Variants in TATDN1 observed in about 807,000 individuals in gnomAD.
The protein encoded by TATDN1 is deoxyribonuclease TATDN1.
In TATDN1, 40 loss-of-function variants were observed where a neutral mutation model predicts 46.4. The observed-to-expected ratio is 0.86, with a 90% confidence interval of 0.67 to 1.12. The LOEUF is 1.12. Ranked by LOEUF, TATDN1 falls within the 50% of genes most tolerant of loss-of-function variation. The pLI, the probability that TATDN1 is intolerant of heterozygous loss-of-function variation, is 0.00. For synonymous variants in TATDN1, 95 were observed against 105.6 expected, an observed-to-expected ratio of 0.90 and a Z score of 0.62; for missense variants, 326 against 348.4, an observed-to-expected ratio of 0.94 and a Z score of 0.51.
At position 124,522,188 on chromosome 8, in the gene TATDN1, T is replaced by G. The variant is rs772084286; in HGVS notation, c.101A>C (p.Asp34Ala). 1 of 1,594,332 alleles carries G rather than the reference T, an allele frequency of 6.3e-7. No individual in the cohort carries two copies. Among genetic ancestry groups the G allele is most frequent in the Non-Finnish European group, 8.5e-7 (1 of 1,169,978 alleles). ...GVQKHQDDLQ[D>A]VIGRAVEIGV... is the part of the protein sequence containing the mutation. ...AATCTCGACAGCTCTCCCTATTACA[T>G]CCTGTAAGTCATCTGTAAAAGATAA... is the stretch of plus-strand genomic sequence containing the variant. The change falls in exon 3 of 12, where the codon GAT (aspartate) becomes GCT (alanine). Residue 34 changes from aspartate (D) to alanine (A), a missense_variant. Transcript: ENST00000276692.
chr8:124,497,898 T>G (rs1253161342), intron 9 of TATDN1, among the ~76,000 whole-genome samples: 1 of 152,226 alleles, frequency 6.6e-6, no homozygotes, highest in African/African-American at 2.4e-5. Context: ...AAAATATGTA[T>G]CTTTCTGTCA....
intron 1 of TATDN1, among the ~76,000 whole-genome samples, chr8:124,530,735 T>C (rs575198138): frequency 4.5e-4 from 69 of 152,330 alleles, no homozygotes; most frequent in African/African-American, 1.6e-3. Flanking sequence ...CGAAGTTATC[T>C]AGCAGAAAGG....
At chr8:124,517,558 C>T (rs1031752930) in intron 4 of TATDN1, among the ~76,000 whole-genome samples, 7 of 151,410 alleles carry the variant, frequency 4.6e-5, no homozygotes, top group Non-Finnish European at 7.4e-5. Flanking sequence ...TTTTAAAATA[C>T]AAAATTTAAA....
At chr8:124,528,755 GAA>G in intron 1 of TATDN1, among the ~76,000 whole-genome samples, 1 of 152,288 alleles carries the variant, frequency 6.6e-6, no homozygotes, top group African/African-American at 2.4e-5. Flanking sequence ...CCAGACCCAG[GAA>G]AAGTCTTGAT....
chr8:124,497,448 G>A (rs1243195577), intron 9 of TATDN1, among the ~76,000 whole-genome samples: 1 of 152,000 alleles, frequency 6.6e-6, no homozygotes, highest in Non-Finnish European at 1.5e-5. Flanking sequence ...ACCACGCCCG[G>A]CTCATTTTTG....
intron 11 of TATDN1, chr8:124,489,059 A>AT: frequency 3.8e-6 from 1 of 259,840 alleles, no homozygotes; most frequent in Non-Finnish European, 7.4e-6. Context: ...AACATTGACA[A>AT]GTACATTGTA....
rs1298731164 is a variant in TATDN1, at chr8:124,532,969, G to A, written c.22+6056C>T. On this transcript the variant is annotated intron_variant, in intron 1 of 11. Transcript: ENST00000276692. The stretch of plus-strand genomic sequence containing the variant: ...GTTAATCTCTTATTAAAGGCAAAAC[G>A]GGGCCAGGTGTAGTGGCTCATGCCT... 2.6e-5 allele frequency among the ~76,000 whole-genome samples: 4 copies of A among 152,216 alleles called. No individual in the cohort carries two copies. In the South Asian group the frequency reaches 6.2e-4, roughly 24 times the overall value.
chr8:124,509,896 G>A (rs979027707), intron 6 of TATDN1, among the ~76,000 whole-genome samples: 2 of 151,924 alleles, frequency 1.3e-5, no homozygotes, highest in African/African-American at 4.8e-5. Flanking sequence ...AAAATTAGCC[G>A]GCATGTTGGC....
At chr8:124,525,755 C>T (rs993010416) in intron 1 of TATDN1, among the ~76,000 whole-genome samples, 5 of 152,246 alleles carry the variant, frequency 3.3e-5, no homozygotes, top group South Asian at 4.2e-4. Flanking sequence ...TTAAGGCTCC[C>T]GATCCAAGAA....
intron 7 of TATDN1, 41 bp from the exon 8 acceptor site, chr8:124,508,555 T>G: frequency 6.2e-7 from 1 of 1,609,686 alleles, no homozygotes; most frequent in Non-Finnish European, 8.5e-7. Context: ...AATAGCTTGA[T>G]TTCTACAAAA....
intron 9 of TATDN1, among the ~76,000 whole-genome samples, chr8:124,497,282 C>T (rs1327651505): frequency 2.1e-5 from 2 of 94,910 alleles, no homozygotes; most frequent in African/African-American, 5.8e-5. Context: ...TTCCTTCTTT[C>T]TTCTTCTTTT....
At chr8:124,497,892 T>A (rs1029122398) in intron 9 of TATDN1, among the ~76,000 whole-genome samples, 8 of 151,494 alleles carry the variant, frequency 5.3e-5, no homozygotes, top group African/African-American at 9.8e-5. Context: ...ATAAAAAAAA[T>A]ATGTATCTTT....
chr8:124,513,298 C>G lies in TATDN1; in HGVS notation c.389+2448G>C, dbSNP rs182365372. Among the ~76,000 whole-genome samples, 124 of 152,278 alleles carry G rather than the reference C, an allele frequency of 8.1e-4. 1 individual carries two copies. The highest frequency in any genetic ancestry group is 2.9e-3 in the African/African-American group (121 of 41,552). ...CTGCCTATCTTATCAAAATTTCCTC[C>G]TACTTTGTCATTAGCTTATCCACTC... is the stretch of plus-strand genomic sequence containing the variant. On this transcript the variant is annotated intron_variant, in intron 6 of 11. Transcript: ENST00000276692.
chr8:124,502,017 A>G (rs544503030), intron 9 of TATDN1, among the ~76,000 whole-genome samples: 1 of 152,274 alleles, frequency 6.6e-6, no homozygotes, highest in South Asian at 2.1e-4. Flanking sequence ...TCTGATCTTG[A>G]ATTTTATTCA....
At position 124,539,084 on chromosome 8, in the gene TATDN1, T is replaced by C. The variant is rs200565785; in HGVS notation, c.-38A>G. ...AGGACCTCCCCAGCGGAAGCGGAAG[T>C]GGCCGCCGGCAACTCCGCCCTTCCG... On this transcript the variant is annotated 5_prime_UTR_variant, in exon 1 of 12. Transcript: ENST00000276692. 2.2e-4 allele frequency: 348 copies of C among 1,611,688 alleles called. 2 individuals are homozygous for C. In the African/African-American group the frequency reaches 4.2e-3, roughly 19 times the overall value.
intron 9 of TATDN1, among the ~76,000 whole-genome samples, chr8:124,498,524 T>C (rs967105286): frequency 6.6e-6 from 1 of 151,284 alleles, no homozygotes. Flanking sequence ...TTAATCATCA[T>C]TTCTAGTCCG....
intron 1 of TATDN1, among the ~76,000 whole-genome samples, chr8:124,536,536 C>G (rs2131584896): frequency 6.6e-6 from 1 of 152,192 alleles, no homozygotes; most frequent in East Asian, 1.9e-4. Flanking sequence ...AGAGCAAGAC[C>G]CTGTCTCAAA....
chr8:124,514,522 C>T lies in TATDN1; in HGVS notation c.389+1224G>A, dbSNP rs568180140. ...CTAGGGACAGATATTCTACCTTATT[C>T]ATATTTCTGCATACTATGAGCTCTC... is the stretch of plus-strand genomic sequence containing the variant. On this transcript the variant is annotated intron_variant, in intron 6 of 11. Coordinates refer to ENST00000276692, the MANE Select transcript of TATDN1 (RefSeq NM_032026.4). 2.8e-3 allele frequency among the ~76,000 whole-genome samples: 426 copies of T among 152,264 alleles called. 2 individuals carry two copies. The highest frequency in any genetic ancestry group is 4.6e-3 in the Non-Finnish European group (314 of 68,010).
At chr8:124,537,172 TC>T (rs1821504584) in intron 1 of TATDN1, among the ~76,000 whole-genome samples, 1 of 152,158 alleles carries the variant, frequency 6.6e-6, no homozygotes, top group Admixed American at 6.5e-5. Flanking sequence ...ATTCATACTT[TC>T]CCAAACAGTC....
Sources: gnomAD v4.1 joint callset for allele counts (sites outside exome capture counted in the v4.1 genomes callset) on GRCh38, gnomAD v4.1.1 for gene constraint, MANE v1.5 for transcripts, NCBI Gene and HGNC (gene_info 2026-07-23, HGNC 2026-07-21) for gene names.